RFX7: variants seen among roughly 807,000 people sequenced by gnomAD.
The protein encoded by RFX7 is DNA-binding protein RFX7.
A neutral mutation model predicts 111.8 loss-of-function variants in RFX7; 26 were observed. The observed-to-expected ratio is 0.23, with a 90% CI of 0.17 to 0.32. RFX7 has a LOEUF of 0.32. RFX7 is among the 10% of genes least tolerant of loss of function. The pLI is 1.00. For missense variants in RFX7, 1,573 were observed against 1,772.9 expected, an observed-to-expected ratio of 0.89 and a Z score of 2.02; for synonymous variants, 624 against 624.4, an observed-to-expected ratio of 1.00 and a Z score of 0.01.
intron 3 of RFX7, among the ~76,000 whole-genome samples, chr15:56,169,532 TA>T (rs1567035274): frequency 6.6e-6 from 1 of 152,176 alleles, no homozygotes; most frequent in East Asian, 1.9e-4. Context: ...TCATTTAATA[TA>T]TATGACAACT....
At chr15:56,126,362 C>A (rs1245644739) in intron 5 of RFX7, among the ~76,000 whole-genome samples, 1 of 152,108 alleles carries the variant, frequency 6.6e-6, no homozygotes, top group Non-Finnish European at 1.5e-5. Flanking sequence ...AAACTAATAC[C>A]CCATATTCCC....
chr15:56,211,998 A>C (rs1423917659), intron 2 of RFX7, among the ~76,000 whole-genome samples: 2 of 152,148 alleles, frequency 1.3e-5, no homozygotes, highest in Non-Finnish European at 2.9e-5. Flanking sequence ...TGACCCAGCA[A>C]TTGCACTTCA....
intron 5 of RFX7, among the ~76,000 whole-genome samples, chr15:56,133,395 A>G (rs1303210720): frequency 2.0e-5 from 3 of 152,006 alleles, no homozygotes; most frequent in African/African-American, 4.8e-5. Flanking sequence ...TATTAAAGGG[A>G]TTTTGACACA....
chr15:56,111,518 C>T (rs1255717550), intron 5 of RFX7, among the ~76,000 whole-genome samples: 14 of 151,322 alleles, frequency 9.3e-5, no homozygotes, highest in African/African-American at 3.2e-4. Flanking sequence ...TGAGGAAGGC[C>T]GCAGGGTCCT....
In RFX7 at chr15:56,243,230, AGCTGCTGATGGGCATCAG is replaced by A. The variant is rs1567059020; in HGVS notation, c.38_55del (p.Pro13_Gln18del). ...CCCCGAGTTGGGGGCGCTGGGGGGA[AGCTGCTGATGGGCATCAG>A]GCTGCTGTGGTGGCGGCTGTTGTTG... On this transcript the variant is annotated inframe_deletion, in exon 2 of 10. Coordinates refer to ENST00000559447, the MANE Select transcript of RFX7 (RefSeq NM_022841.7). The A allele has an allele frequency of 1.5e-6, 2 of 1,315,356 alleles. No individual in the cohort carries two copies. The highest frequency in any genetic ancestry group is 3.2e-5 in the African/African-American group (2 of 63,360). The allele number at this position is 1,315,356 out of a possible 1,614,324, so 81.5% of individuals were successfully genotyped here.
chr15:56,174,383 A>G (rs1337429769), intron 3 of RFX7, among the ~76,000 whole-genome samples: 1 of 152,200 alleles, frequency 6.6e-6, no homozygotes, highest in Admixed American at 6.5e-5. Flanking sequence ...GTTCAGGGGA[A>G]AAGAATAAGA....
intron 3 of RFX7, among the ~76,000 whole-genome samples, chr15:56,147,955 C>T (rs1315354708): frequency 6.6e-6 from 1 of 152,170 alleles, no homozygotes; most frequent in African/African-American, 2.4e-5. Context: ...TGACAAACAA[C>T]ATTTGTAGAC....
At chr15:56,141,656 A>AATAAATAAATATATATAT (rs1555421060) in intron 5 of RFX7, among the ~76,000 whole-genome samples, 1 of 83,210 alleles carries the variant, frequency 1.2e-5, no homozygotes, top group Non-Finnish European at 2.2e-5. Flanking sequence ...GCTTACTCTA[A>AATAAATAAATATATATAT]ATATATATAT....
intron 9 of RFX7, among the ~76,000 whole-genome samples, chr15:56,096,848 T>A (rs1421644920): frequency 6.6e-6 from 1 of 152,190 alleles, no homozygotes; most frequent in Non-Finnish European, 1.5e-5. Flanking sequence ...GAACATTAAG[T>A]TACTTTTCAA....
intron 2 of RFX7, among the ~76,000 whole-genome samples, chr15:56,210,784 AAAC>A (rs1410260330): frequency 2.4e-4 from 37 of 152,106 alleles, no homozygotes; most frequent in African/African-American, 8.7e-4. Flanking sequence ...AATTTGTGAG[AAAC>A]AACAAAAGCA....
intron 2 of RFX7, among the ~76,000 whole-genome samples, chr15:56,215,092 T>C (rs560299278): frequency 1.1e-4 from 16 of 152,354 alleles, no homozygotes; most frequent in African/African-American, 3.8e-4. Context: ...ATGGATACCA[T>C]GATCTGCAGA....
chr15:56,166,704 G>A (rs966334986), intron 3 of RFX7, among the ~76,000 whole-genome samples: 2 of 152,068 alleles, frequency 1.3e-5, no homozygotes, highest in Admixed American at 6.5e-5. Context: ...AGCTGATAAA[G>A]CATTTAAGAC....
At chr15:56,227,140 T>C (rs1188167640) in intron 2 of RFX7, among the ~76,000 whole-genome samples, 1 of 152,234 alleles carries the variant, frequency 6.6e-6, no homozygotes, top group Non-Finnish European at 1.5e-5. Context: ...CTCTGTAATT[T>C]AAGCACTTTG....
Position 56,217,147 on chromosome 15 carries a change from C to G in RFX7, c.161+25978G>C, listed in dbSNP as rs1347653470. On this transcript the variant is annotated intron_variant, in intron 2 of 9. Transcript: ENST00000559447. ...ATATAGACACATATGTACTATAATA[C>G]ATTCATTTTGCTGCACTATTTTAAT... Among the ~76,000 whole-genome samples the G allele has an allele frequency of 2.0e-5, 3 of 152,122 alleles. No homozygotes were observed. The East Asian group carries it at 5.8e-4, about 29-fold the overall frequency.
intron 2 of RFX7, among the ~76,000 whole-genome samples, chr15:56,211,047 T>A (rs1183800404): frequency 6.6e-6 from 1 of 152,062 alleles, no homozygotes; most frequent in Non-Finnish European, 1.5e-5. Flanking sequence ...AATGAACTAG[T>A]TCCTGGGTGA....
chr15:56,137,138 T>G (rs547002931), intron 5 of RFX7, among the ~76,000 whole-genome samples: 129 of 152,282 alleles, frequency 8.5e-4, no homozygotes, highest in African/African-American at 2.9e-3. Flanking sequence ...ATAAAATGAG[T>G]TAGGGAGGAT....
Position 56,095,659 on chromosome 15 carries a change from T to G in RFX7, c.2069A>C (p.Gln690Pro). 1 of 1,614,012 alleles carries G rather than the reference T, an allele frequency of 6.2e-7. No individual in the cohort carries two copies. The highest frequency in any genetic ancestry group is 8.5e-7 in the Non-Finnish European group (1 of 1,179,872). ...CTTTTGGTCCTTCTTAACACTGCCT[T>G]GTTTCTGCCCTTCTATGGTAGCTGC... ...LSAATIEGQK[Q>P]GSVKKDQKVP... Residue 690 changes from glutamine to proline, a missense_variant, in exon 10 of 10, where the codon CAA becomes CCA. Gln to Pro is a moderately conservative substitution (Grantham distance 76). Around this residue, in one of 7 missense-constraint regions of RFX7, gnomAD observed 625 missense variants for 632.2 expected, o/e 0.99. Coordinates refer to ENST00000559447, the MANE Select transcript of RFX7 (RefSeq NM_022841.7).
At chr15:56,145,563 T>C (rs1165683566) in intron 3 of RFX7, among the ~76,000 whole-genome samples, 2 of 152,232 alleles carry the variant, frequency 1.3e-5, no homozygotes, top group Non-Finnish European at 2.9e-5. Context: ...CTTGCTCCAA[T>C]ACCTAATGTT....
chr15:56,129,534 TTGAACCTATG>T (rs2140988263), intron 5 of RFX7, among the ~76,000 whole-genome samples: 1 of 152,268 alleles, frequency 6.6e-6, no homozygotes, highest in South Asian at 2.1e-4. Flanking sequence ...AAAAAAACTG[TTGAACCTATG>T]TGAAGCACAT....
Sources: allele counts gnomAD v4.1 joint callset (sites outside exome capture counted in the v4.1 genomes callset), GRCh38; gene constraint gnomAD v4.1.1; regional missense constraint gnomAD v4.1.1; transcripts MANE v1.5; gene names NCBI Gene and HGNC (gene_info 2026-07-23, HGNC 2026-07-21).